The following HUNK variants were observed in gnomAD, a reference collection of about 807,000 sequenced individuals.
HUNK encodes the protein hormonally up-regulated neu tumor-associated kinase.
A neutral mutation model predicts 61.0 loss-of-function variants in HUNK; 21 were observed. The ratio of observed to expected loss-of-function variants is 0.34; its 90% CI spans 0.24 to 0.50. The LOEUF (loss-of-function observed/expected upper bound fraction) is 0.50, where lower values mean the gene tolerates loss of function less well. Ranked by LOEUF, HUNK falls within the 20% of genes least tolerant of loss-of-function variation. The pLI, the probability that HUNK is intolerant of heterozygous loss-of-function variation, is 0.98. For missense variants in HUNK, 772 were observed against 945.7 expected (o/e 0.82, Z 2.41); for synonymous variants, 371 against 386.1 (o/e 0.96, Z 0.46).
chr21:31,902,896 A>G (rs2052478633), intron 1 of HUNK, among the ~76,000 whole-genome samples: 1 of 152,192 alleles, frequency 6.6e-6, no homozygotes, highest in Admixed American at 6.5e-5. Context: ...CTCTCACACT[A>G]TTAATCTTTT....
chr21:31,880,075 T>G (rs1601355614), intron 1 of HUNK, among the ~76,000 whole-genome samples: 2 of 152,260 alleles, frequency 1.3e-5, no homozygotes, highest in East Asian at 3.9e-4. Context: ...GGGGGATGCC[T>G]CTGTGAATTC....
At chr21:31,953,530 G>A (rs1318953740) in intron 4 of HUNK, among the ~76,000 whole-genome samples, 3 of 152,170 alleles carry the variant, frequency 2.0e-5, no homozygotes, top group Non-Finnish European at 2.9e-5. Flanking sequence ...CACTGTGCCC[G>A]GCCAGGTTTC....
intron 1 of HUNK, among the ~76,000 whole-genome samples, chr21:31,892,560 ACT>A (rs2052398179): frequency 1.6e-5 from 2 of 125,356 alleles, no homozygotes; most frequent in South Asian, 5.6e-4. Flanking sequence ...AAAGAGCCAG[ACT>A]CTCTCTGAAA....
At chr21:31,886,665 C>CT (rs71193155) in intron 1 of HUNK, among the ~76,000 whole-genome samples, 2,554 of 146,848 alleles carry the variant, frequency 0.017, 81 homozygotes, top group African/African-American at 0.058. Context: ...TCAGAAAATA[C>CT]TTTTTTTTTT....
In HUNK at chr21:31,998,830, G is replaced by A. The variant is rs1427438248; in HGVS notation, c.1791G>A (p.Arg597=). 1.2e-6 allele frequency: 2 copies of A among 1,614,056 alleles called. No individual in the cohort carries two copies. Among genetic ancestry groups the A allele is most frequent in the Admixed American group, 1.7e-5 (1 of 60,014 alleles). The change falls in exon 11 of 11, where the codon AGG becomes AGA. Residue 597 remains arginine, a synonymous_variant. Transcript: ENST00000270112. ...VSLARRNSSE[R]TLSPGLPSGS... The stretch of plus-strand genomic sequence containing the variant: ...TGGCTCGCAGAAATTCCAGCGAGAG[G>A]ACGCTGTCCCCGGGTCTGCCATCCG...
chr21:31,947,381 G>A (rs34454395), intron 4 of HUNK, among the ~76,000 whole-genome samples: 38,242 of 116,496 alleles, frequency 0.33, 7,285 homozygotes, highest in African/African-American at 0.51. Flanking sequence ...AGTGGCGCCT[G>A]CGCATTCCCA....
At chr21:31,916,292 C>T (rs1217773970) in intron 1 of HUNK, among the ~76,000 whole-genome samples, 2 of 151,828 alleles carry the variant, frequency 1.3e-5, no homozygotes, top group Non-Finnish European at 1.5e-5. Flanking sequence ...CCTCGTTATC[C>T]GCCCGCCTCG....
intron 7 of HUNK, among the ~76,000 whole-genome samples, chr21:31,982,679 A>G (rs1460981453): frequency 6.6e-6 from 1 of 152,216 alleles, no homozygotes; most frequent in Non-Finnish European, 1.5e-5. Context: ...GCTTAGGTGC[A>G]GCTGTTTATC....
intron 1 of HUNK, among the ~76,000 whole-genome samples, chr21:31,877,635 G>C (rs1174098358): frequency 6.6e-6 from 1 of 152,254 alleles, no homozygotes; most frequent in African/African-American, 2.4e-5. Flanking sequence ...TCACAGTCAG[G>C]GCTGAGTGTC....
chr21:31,951,698 C>T (rs1037653204), intron 4 of HUNK, among the ~76,000 whole-genome samples: 1 of 152,176 alleles, frequency 6.6e-6, no homozygotes, highest in Non-Finnish European at 1.5e-5. Context: ...GGGTGGACAA[C>T]TCGGCCAAGA....
In HUNK at chr21:31,873,695, C is replaced by T; in HGVS notation, c.21C>T (p.Asp7=). Residue 7 remains aspartate (D), a synonymous_variant, in exon 1 of 11, where the codon GAC becomes GAT. Coordinates refer to ENST00000270112, the MANE Select transcript of HUNK (RefSeq NM_014586.2). The surrounding 1 kb of genome is among the most constrained non-coding windows in gnomAD (Gnocchi z 6.1). MPAAAG[D]GLLGEPAAPG... ...GCGCGATGCCGGCGGCGGCGGGGGA[C>T]GGGCTCCTGGGGGAGCCGGCGGCGC... 1.8e-6 allele frequency: 2 copies of T among 1,098,338 alleles called. No homozygotes were observed. The highest frequency in any genetic ancestry group is 4.3e-5 in the South Asian group (1 of 23,120). The allele number at this position is 1,098,338 out of a possible 1,614,324, so 68.0% of individuals were successfully genotyped here. A position where few individuals can be genotyped will look rare whatever the true frequency, so the allele number is the denominator to read the frequency against.
At chr21:31,970,697 TGTTA>T (rs1321892968) in intron 6 of HUNK, among the ~76,000 whole-genome samples, 1 of 152,218 alleles carries the variant, frequency 6.6e-6, no homozygotes, top group Non-Finnish European at 1.5e-5. Context: ...GTGGAGTTGG[TGTTA>T]GACAGTATTT....
intron 1 of HUNK, among the ~76,000 whole-genome samples, chr21:31,881,492 G>A (rs2052306775): frequency 6.6e-6 from 1 of 152,050 alleles, no homozygotes; most frequent in Non-Finnish European, 1.5e-5. Flanking sequence ...AGCCAAGTGT[G>A]TGTTCCTGTA....
chr21:31,946,494 T>C (rs777191078), intron 4 of HUNK, among the ~76,000 whole-genome samples: 12 of 152,166 alleles, frequency 7.9e-5, no homozygotes, highest in Admixed American at 1.3e-4. Flanking sequence ...GCCCTCTGTG[T>C]GAAGCTCCAT....
chr21:31,914,654 G>T (rs1439605313), intron 1 of HUNK, among the ~76,000 whole-genome samples: 1 of 151,996 alleles, frequency 6.6e-6, no homozygotes, highest in Non-Finnish European at 1.5e-5. Context: ...GTGCCAGCGG[G>T]GTTGGTTTCT....
At chr21:31,939,059 C>T (rs1026072373) in intron 2 of HUNK, among the ~76,000 whole-genome samples, 3 of 152,254 alleles carry the variant, frequency 2.0e-5, no homozygotes, top group South Asian at 2.1e-4. Context: ...CAGTCGCAGG[C>T]GCAGACACCA....
intron 1 of HUNK, among the ~76,000 whole-genome samples, chr21:31,920,879 C>T (rs3787692): frequency 0.1 from 15,175 of 152,118 alleles, 862 homozygotes; most frequent in Middle Eastern, 0.15. Flanking sequence ...GGGCTGGGCA[C>T]GGTGGCTCAT....
At chr21:31,902,353 A>T (rs898016140) in intron 1 of HUNK, among the ~76,000 whole-genome samples, 1 of 152,092 alleles carries the variant, frequency 6.6e-6, no homozygotes, top group Non-Finnish European at 1.5e-5. Flanking sequence ...TCTACTAAAC[A>T]TACAAAATTA....
At chr21:31,955,946 C>T (rs1417127201) in intron 4 of HUNK, among the ~76,000 whole-genome samples, 1 of 152,236 alleles carries the variant, frequency 6.6e-6, no homozygotes, top group Non-Finnish European at 1.5e-5. Flanking sequence ...CTCCCCTTAA[C>T]TCAATTCACT....
Sources: gnomAD v4.1 joint callset for allele counts (sites outside exome capture counted in the v4.1 genomes callset) on GRCh38, gnomAD v4.1.1 for gene constraint, Gnocchi (gnomAD v3.1) non-coding constraint, MANE v1.5 for transcripts, NCBI Gene and HGNC (gene_info 2026-07-23, HGNC 2026-07-21) for gene names.